The following CAB39 variants were observed in gnomAD, a reference collection of about 807,000 sequenced individuals.
CAB39 encodes the protein calcium-binding protein 39.
In CAB39, 8 loss-of-function variants were observed where a neutral mutation model predicts 40.0. That is an observed-to-expected ratio of 0.20 (90% confidence interval 0.12 to 0.36). CAB39 has a LOEUF of 0.36. Ranked by LOEUF, CAB39 falls within the 10% of genes least tolerant of loss-of-function variation. CAB39 has a pLI of 1.00. For synonymous variants in CAB39, 156 were observed against 141.6 expected (o/e 1.10, Z -0.72); for missense variants, 270 against 401.1 (o/e 0.67, Z 2.79).
chr2:230,784,730 A>G (rs1282786717), intron 2 of CAB39, among the ~76,000 whole-genome samples: 1 of 152,158 alleles, frequency 6.6e-6, no homozygotes, highest in Non-Finnish European at 1.5e-5. Flanking sequence ...GTCGGGAAAA[A>G]GAGAAAAAAA....
chr2:230,776,591 TC>T lies in CAB39; in HGVS notation c.115-14278del, dbSNP rs565500418. Among the ~76,000 whole-genome samples the T allele has an allele frequency of 7.8e-5, 11 of 141,730 alleles. No individual in the cohort carries two copies. The South Asian group carries it at 2.6e-3, about 33-fold the overall frequency. The allele number at this position is 141,730 out of a possible 152,430, so 93.0% of individuals were successfully genotyped here. ...TGGGCTTTCTTCCACTCAGCATCAT[TC>T]CCATGAGATCCACACAAGTGGTTGT... On this transcript the variant is annotated intron_variant, in intron 2 of 8. Coordinates refer to ENST00000258418, the MANE Select transcript of CAB39 (RefSeq NM_016289.4).
At position 230,820,289 on chromosome 2, in the gene CAB39, C is replaced by T. The variant is rs1414462717; in HGVS notation, c.*1585C>T. ...TCTTACTAATGGAATTATATACTGG[C>T]CAGTAAAATGGGCCTCCCAATTGCT... On this transcript the variant is annotated 3_prime_UTR_variant, in exon 9 of 9. Transcript: ENST00000258418. 6.6e-6 allele frequency: 1 copy of T among 152,116 alleles called. No homozygotes were observed. The highest frequency in any genetic ancestry group is 1.5e-5 in the Non-Finnish European group (1 of 68,024). 9.4% of individuals were successfully genotyped at this position (152,116 alleles called of 1,614,324 possible).
At chr2:230,792,028 C>T (rs1695900913) in intron 3 of CAB39, among the ~76,000 whole-genome samples, 1 of 151,942 alleles carries the variant, frequency 6.6e-6, no homozygotes, top group Admixed American at 6.6e-5. Context: ...AAATGACAGA[C>T]GTATAGCCAG....
At chr2:230,771,775 G>A (rs1181964959) in intron 2 of CAB39, among the ~76,000 whole-genome samples, 1 of 152,124 alleles carries the variant, frequency 6.6e-6, no homozygotes, top group East Asian at 1.9e-4. Flanking sequence ...AACAGATTGG[G>A]GTGCAGAAAT....
At chr2:230,778,597 C>A (rs1695635052) in intron 2 of CAB39, among the ~76,000 whole-genome samples, 1 of 152,124 alleles carries the variant, frequency 6.6e-6, no homozygotes, top group Admixed American at 6.6e-5. Flanking sequence ...TTACTAATTG[C>A]TTATTTTCCC....
At chr2:230,742,324 G>A (rs1192085149) in intron 1 of CAB39, among the ~76,000 whole-genome samples, 1 of 151,972 alleles carries the variant, frequency 6.6e-6, no homozygotes. Context: ...GCAGGCACCC[G>A]CCACCACGCC....
intron 2 of CAB39, among the ~76,000 whole-genome samples, chr2:230,772,165 T>G (rs1256711310): frequency 6.6e-6 from 1 of 152,204 alleles, no homozygotes; most frequent in South Asian, 2.1e-4. Context: ...CTGCAAAGCA[T>G]ATATCTGATA....
intron 1 of CAB39, among the ~76,000 whole-genome samples, chr2:230,742,929 G>T (rs1694908680): frequency 6.6e-6 from 1 of 151,988 alleles, no homozygotes; most frequent in Non-Finnish European, 1.5e-5. Context: ...AAGAATCTTT[G>T]TGTTTTGACT....
rs1559597055 is a variant in CAB39, at chr2:230,748,834, ATATATATATATATATATAT to A, written c.-43-11124_-43-11106del. 1.3e-3 allele frequency among the ~76,000 whole-genome samples: 69 copies of A among 53,930 alleles called. 4 individuals carry two copies. The highest frequency in any genetic ancestry group is 7.7e-3 in the Middle Eastern group (1 of 130). 35.4% of individuals were successfully genotyped at this position (53,930 alleles called of 152,430 possible). A position where few individuals can be genotyped will look rare whatever the true frequency, so the allele number is the denominator to read the frequency against. ...AAAAGAAAAAAAAAAAAAAAAAAAT[ATATATATATATATATATAT>A]ATATATATATATATAACAAAATGGT... On this transcript the variant is annotated intron_variant, in intron 1 of 8. Coordinates refer to ENST00000258418, the MANE Select transcript of CAB39 (RefSeq NM_016289.4).
intron 5 of CAB39, among the ~76,000 whole-genome samples, chr2:230,800,110 A>G (rs1425378319): frequency 6.6e-6 from 1 of 152,102 alleles, no homozygotes; most frequent in Non-Finnish European, 1.5e-5. Context: ...CATGAACACT[A>G]TCACAGTGAG....
intron 1 of CAB39, among the ~76,000 whole-genome samples, chr2:230,751,200 CT>C (rs2124906427): frequency 6.6e-6 from 1 of 152,242 alleles, no homozygotes; most frequent in African/African-American, 2.4e-5. Flanking sequence ...TTTGTTTGTG[CT>C]TTTTGTATTT....
Position 230,793,269 on chromosome 2 carries a change from G to A in CAB39, c.336G>A (p.Thr112=), listed in dbSNP as rs201752810. 8.1e-6 allele frequency: 13 copies of A among 1,612,648 alleles called. No homozygotes were observed. The highest frequency in any genetic ancestry group is 2.2e-5 in the South Asian group (2 of 90,956). ...ATATTCTCAGAAGACAAATTGGTAC[G>A]AGAACTCCTACTGTTGAATACATCT... is the stretch of plus-strand genomic sequence containing the variant. ...FNNILRRQIG[T]RTPTVEYICT... Residue 112 remains threonine, a synonymous_variant, in exon 4 of 9, where the codon ACG becomes ACA. Transcript: ENST00000258418.
At chr2:230,731,241 G>T (rs1025994345) in intron 1 of CAB39, among the ~76,000 whole-genome samples, 1 of 152,200 alleles carries the variant, frequency 6.6e-6, no homozygotes, top group Non-Finnish European at 1.5e-5. Flanking sequence ...TTAACAAGTA[G>T]TAATGCTTAA....
chr2:230,740,971 G>A (rs1694866052), intron 1 of CAB39, among the ~76,000 whole-genome samples: 2 of 152,222 alleles, frequency 1.3e-5, no homozygotes, highest in South Asian at 4.1e-4. Flanking sequence ...TCACATTTAT[G>A]AAATATATGG....
chr2:230,720,919 A>C (rs1171658062), intron 1 of CAB39, among the ~76,000 whole-genome samples: 1 of 152,134 alleles, frequency 6.6e-6, no homozygotes, highest in East Asian at 1.9e-4. Context: ...CTCTCTAGTT[A>C]CAGTATGGTT....
intron 6 of CAB39, 57 bp from the exon 7 acceptor site, chr2:230,813,978 CTTTTTTTTTTTTTT>C (rs1160253213): frequency 2.7e-3 from 307 of 112,984 alleles, no homozygotes; most frequent in Non-Finnish European, 2.9e-3. Flanking sequence ...ACCTACCAGT[CTTTTTTTTTTTTTT>C]TTTTTTTTTT....
At chr2:230,753,683 A>G (rs890661239) in intron 1 of CAB39, among the ~76,000 whole-genome samples, 7 of 151,102 alleles carry the variant, frequency 4.6e-5, no homozygotes, top group Non-Finnish European at 1.0e-4. Context: ...GGTGGAGGTT[A>G]TAGCAAGCTG....
At chr2:230,812,939 A>T (rs1295485983) in intron 6 of CAB39, among the ~76,000 whole-genome samples, 1 of 152,216 alleles carries the variant, frequency 6.6e-6, no homozygotes, top group Non-Finnish European at 1.5e-5. Context: ...AACAGGCAGC[A>T]GGCCATAGTT....
intron 8 of CAB39, 43 bp from the exon 9 acceptor site, chr2:230,818,473 T>C (rs1244720254): frequency 3.8e-6 from 6 of 1,566,366 alleles, no homozygotes; most frequent in Non-Finnish European, 5.2e-6. Context: ...GTGGCTGCGT[T>C]TTGTCCTTTC....
Sources: gnomAD v4.1 joint callset for allele counts (sites outside exome capture counted in the v4.1 genomes callset) on GRCh38, gnomAD v4.1.1 for gene constraint, MANE v1.5 for transcripts, NCBI Gene and HGNC (gene_info 2026-07-23, HGNC 2026-07-21) for gene names.